MAOA: variants seen among roughly 807,000 people sequenced by gnomAD.
MAOA encodes the protein monoamine oxidase A.
MAOA carries 6 observed loss-of-function variants against 42.0 expected under a neutral mutation model. That is an observed-to-expected ratio of 0.14 (90% confidence interval 0.08 to 0.28). The LOEUF (loss-of-function observed/expected upper bound fraction) is 0.28. Ranked by LOEUF, MAOA falls within the 10% of genes least tolerant of loss-of-function variation. MAOA has a pLI of 1.00. For missense variants in MAOA, 262 were observed against 422.3 expected, an observed-to-expected ratio of 0.62 and a Z score of 3.33; for synonymous variants, 140 against 154.0, an observed-to-expected ratio of 0.91 and a Z score of 0.67.
intron 10 of MAOA, among the ~76,000 whole-genome samples, chrX:43,738,763 G>C (rs932393042): frequency 1.8e-5 from 2 of 111,970 alleles, no homozygotes; most frequent in Non-Finnish European, 3.8e-5. Context: ...TAAGGCTGCA[G>C]TGAGCCATAA....
intron 1 of MAOA, among the ~76,000 whole-genome samples, chrX:43,670,631 T>G (rs1456952374): frequency 1.9e-4 from 16 of 84,139 alleles, no homozygotes; most frequent in African/African-American, 6.8e-4. Flanking sequence ...CAGAGTGTGT[T>G]GTTCCCCTTC....
At chrX:43,715,534 G>A (rs1601942070) in intron 5 of MAOA, among the ~76,000 whole-genome samples, 1 of 111,100 alleles carries the variant, frequency 9.0e-6, no homozygotes, top group Non-Finnish European at 1.9e-5. Context: ...GAGACAGGAA[G>A]TGTGGAAGGT....
chrX:43,666,611 C>T (rs1601924753), intron 1 of MAOA, among the ~76,000 whole-genome samples: 1 of 111,022 alleles, frequency 9.0e-6, no homozygotes. Context: ...TGCCCCACTA[C>T]AGTCTGCTTT....
chrX:43,738,264 G>C (rs757521548), intron 10 of MAOA, among the ~76,000 whole-genome samples: 42 of 111,931 alleles, frequency 3.8e-4, no homozygotes, highest in African/African-American at 1.3e-3. Context: ...TAATCAATCA[G>C]TGCATTGTTT....
chrX:43,688,975 A>C (rs1032847835), intron 2 of MAOA, among the ~76,000 whole-genome samples: 2 of 112,363 alleles, frequency 1.8e-5, no homozygotes, highest in Non-Finnish European at 3.7e-5. Context: ...ATAACAGCTT[A>C]CATTAGTATT....
intron 2 of MAOA, among the ~76,000 whole-genome samples, chrX:43,683,944 C>T (rs775286154): frequency 4.0e-5 from 3 of 75,138 alleles, no homozygotes; most frequent in Non-Finnish European, 8.0e-5. Flanking sequence ...ACTATACACC[C>T]GCAATACACA....
chrX:43,692,676 A>G (rs946545265), intron 2 of MAOA, among the ~76,000 whole-genome samples: 1 of 111,368 alleles, frequency 9.0e-6, no homozygotes, highest in Admixed American at 9.5e-5. Context: ...TGATTAAATC[A>G]TTGGAACTTT....
chrX:43,703,315 C>T lies in MAOA; in HGVS notation c.307-8557C>T, dbSNP rs922373824. Among the ~76,000 whole-genome samples the T allele has an allele frequency of 1.8e-5, 2 of 111,938 alleles. 1 individual carries two copies. On this transcript the variant is annotated intron_variant, in intron 3 of 14. Coordinates refer to ENST00000338702, the MANE Select transcript of MAOA (RefSeq NM_000240.4). ...AAGTTCTGCTTTGCCCTTTGCCCCT[C>T]TCTACCTGCTCTTATGTACTTTCTC... is the stretch of plus-strand genomic sequence containing the variant.
At chrX:43,726,055 G>T (rs188399095) in intron 5 of MAOA, among the ~76,000 whole-genome samples, 13 of 111,759 alleles carry the variant, frequency 1.2e-4, no homozygotes, top group Non-Finnish European at 2.3e-4. Context: ...TAGTCTGATG[G>T]GTCTTCCTTT....
In MAOA at chrX:43,745,299, A is replaced by C. The variant is rs984333833; in HGVS notation, c.*786A>C. 1.8e-5 allele frequency: 2 copies of C among 112,252 alleles called. No homozygotes were observed. The highest frequency in any genetic ancestry group is 6.5e-5 in the African/African-American group (2 of 30,844). 9.3% of individuals were successfully genotyped at this position (112,252 alleles called of 1,213,427 possible). Reference sequence around the variant, plus strand: ...GAAAATAGTGGCAGGACTGTCCCCCAGGAGGACTCCCTGCTTAGCTCTGTG... The same window carrying C: ...GAAAATAGTGGCAGGACTGTCCCCCCGGAGGACTCCCTGCTTAGCTCTGTG... On this transcript the variant is annotated 3_prime_UTR_variant, in exon 15 of 15. Coordinates refer to ENST00000338702, the MANE Select transcript of MAOA (RefSeq NM_000240.4).
intron 3 of MAOA, among the ~76,000 whole-genome samples, chrX:43,711,190 G>T (rs1201074375): frequency 9.0e-6 from 1 of 111,202 alleles, no homozygotes; most frequent in African/African-American, 3.3e-5. Flanking sequence ...TCTGTAATGG[G>T]AGCTGGTAGC....
intron 2 of MAOA, among the ~76,000 whole-genome samples, chrX:43,684,473 A>G (rs1340498193): frequency 2.7e-5 from 3 of 111,279 alleles, no homozygotes; most frequent in Non-Finnish European, 5.6e-5. Context: ...TAGACCAGCA[A>G]TGGGTAAGTC....
At chrX:43,667,791 T>A (rs929456844) in intron 1 of MAOA, among the ~76,000 whole-genome samples, 3 of 112,016 alleles carry the variant, frequency 2.7e-5, no homozygotes, top group African/African-American at 9.7e-5. Flanking sequence ...TAGTTTATTG[T>A]GTATCCTTTC....
chrX:43,721,603 G>A (rs2033789226), intron 5 of MAOA, among the ~76,000 whole-genome samples: 1 of 110,711 alleles, frequency 9.0e-6, no homozygotes, highest in Non-Finnish European at 1.9e-5. Flanking sequence ...CAATGAAGAT[G>A]GAGAGGAGAA....
intron 1 of MAOA, among the ~76,000 whole-genome samples, chrX:43,660,884 C>T (rs1376814967): frequency 1.8e-5 from 2 of 111,615 alleles, no homozygotes; most frequent in Non-Finnish European, 3.8e-5. Context: ...CTGAGAATTT[C>T]TGAAATGGTT....
rs780223082 is a variant in MAOA, at chrX:43,746,128, G to A, written c.*1615G>A. Reference sequence around the variant, plus strand: ...ATCTCATCCCTAGTCTATTGCAGTTGTTTCTATTAGCTTACTGATTAACTC... The same window carrying A: ...ATCTCATCCCTAGTCTATTGCAGTTATTTCTATTAGCTTACTGATTAACTC... On this transcript the variant is annotated 3_prime_UTR_variant, in exon 15 of 15. Transcript: ENST00000338702. 2.7e-5 allele frequency: 3 copies of A among 111,967 alleles called. No homozygotes were observed. The South Asian group carries it at 1.1e-3, about 42-fold the overall frequency. The allele number at this position is 111,967 out of a possible 1,213,427, so 9.2% of individuals were successfully genotyped here. A position where few individuals can be genotyped will look rare whatever the true frequency, so the allele number is the denominator to read the frequency against.
rs1170544291 is a variant in MAOA, at chrX:43,712,767, A to G, written c.474A>G (p.Lys158=). 2 of 1,206,538 alleles carry G rather than the reference A, an allele frequency of 1.7e-6. No homozygotes were observed. The highest frequency in any genetic ancestry group is 3.5e-5 in the African/African-American group (2 of 57,146). ...HADKWDKMTM[K]ELIDKICWTK... ...ACAAATGGGACAAAATGACCATGAAAGAGCTCATTGACAAAATCTGCTGGA... is the reference window on the plus strand; with the variant it reads ...ACAAATGGGACAAAATGACCATGAAGGAGCTCATTGACAAAATCTGCTGGA... Residue 158 remains lysine, a synonymous_variant, in exon 5 of 15, where the codon AAA becomes AAG. Coordinates refer to ENST00000338702, the MANE Select transcript of MAOA (RefSeq NM_000240.4).
At chrX:43,657,504 C>A (rs776742933) in intron 1 of MAOA, among the ~76,000 whole-genome samples, 2 of 110,045 alleles carry the variant, frequency 1.8e-5, no homozygotes, top group South Asian at 7.8e-4. Context: ...TGTGGCTAAC[C>A]AAGTGAGTGG....
At chrX:43,738,869 A>G (rs1363836986) in intron 10 of MAOA, among the ~76,000 whole-genome samples, 1 of 111,761 alleles carries the variant, frequency 8.9e-6, no homozygotes, top group East Asian at 2.8e-4. Context: ...GCTTTTTTAG[A>G]ATAATCATTG....
Sources: gnomAD v4.1 joint callset for allele counts (sites outside exome capture counted in the v4.1 genomes callset) on GRCh38, gnomAD v4.1.1 for gene constraint, MANE v1.5 for transcripts, NCBI Gene and HGNC (gene_info 2026-07-23, HGNC 2026-07-21) for gene names.